Variants in CAPN3 observed in about 807,000 individuals in gnomAD.
CAPN3 encodes calpain-3.
A neutral mutation model predicts 114.0 loss-of-function variants in CAPN3; 88 were observed. The observed-to-expected ratio is 0.77, with a 90% CI of 0.65 to 0.92. The LOEUF (loss-of-function observed/expected upper bound fraction) is 0.92. Among genes scored for constraint, CAPN3 ranks in the 40% least tolerant of loss-of-function variants. The pLI is 0.00. For missense variants in CAPN3, 1,028 were observed against 1,069.0 expected (o/e 0.96, Z 0.53); for synonymous variants, 386 against 382.9 (o/e 1.01, Z -0.09).
intron 16 of CAPN3, 92 bp from the exon 17 acceptor site, chr15:42,409,211 A>G: frequency 8.4e-7 from 1 of 1,187,786 alleles, no homozygotes; most frequent in East Asian, 2.4e-5. Context: ...CGGCCGTTTT[A>G]GGCACTTGGC....
At chr15:42,382,472 G>A (rs529629701) in intron 1 of CAPN3, among the ~76,000 whole-genome samples, 6 of 152,192 alleles carry the variant, frequency 3.9e-5, no homozygotes, top group South Asian at 2.1e-4. Flanking sequence ...AGGTTCAAGC[G>A]ATTCTCTCAC....
At chr15:42,370,862 CAAT>C (rs1438923366) in intron 1 of CAPN3, among the ~76,000 whole-genome samples, 2 of 152,062 alleles carry the variant, frequency 1.3e-5, no homozygotes, top group East Asian at 3.9e-4. Context: ...GAGCATAACA[CAAT>C]GATGTTATGA....
Position 42,384,536 on chromosome 15 carries a change from C to A in CAPN3, c.363C>A (p.Ile121=). ...FIIDGANRTD[I]CQGELGDCWF... ...TTGATGGAGCCAACAGAACTGACAT[C>A]TGTCAAGGAGAGCTAGGTAGGAAAG... The change falls in exon 2 of 24, where the codon ATC becomes ATA. Residue 121 remains isoleucine, a synonymous_variant. Transcript: ENST00000397163. The A allele has an allele frequency of 6.2e-7, 1 of 1,613,586 alleles. No homozygotes were observed. Among genetic ancestry groups the A allele is most frequent in the Non-Finnish European group, 8.5e-7 (1 of 1,179,482 alleles).
At chr15:42,361,747 A>G (rs955696449) in intron 1 of CAPN3, among the ~76,000 whole-genome samples, 2 of 152,016 alleles carry the variant, frequency 1.3e-5, no homozygotes. Context: ...GTCCCTGCCT[A>G]CCTGTCCAGG....
At chr15:42,407,819 T>C (rs1283742419) in intron 15 of CAPN3, among the ~76,000 whole-genome samples, 1 of 152,198 alleles carries the variant, frequency 6.6e-6, no homozygotes, top group Non-Finnish European at 1.5e-5. Context: ...AGCTCTGTTC[T>C]CATTAATCAG....
intron 1 of CAPN3, among the ~76,000 whole-genome samples, chr15:42,382,528 C>T (rs1458859384): frequency 6.6e-6 from 1 of 152,108 alleles, no homozygotes; most frequent in Admixed American, 6.6e-5. Context: ...GCCACCATGT[C>T]CAACTAATCC....
intron 10 of CAPN3, among the ~76,000 whole-genome samples, chr15:42,401,133 G>T (rs955993146): frequency 6.6e-6 from 1 of 151,676 alleles, no homozygotes; most frequent in Non-Finnish European, 1.5e-5. Flanking sequence ...GGCGGAGGCT[G>T]CAGTGAGCCG....
intron 1 of CAPN3, among the ~76,000 whole-genome samples, chr15:42,362,297 T>C (rs2052665796): frequency 6.6e-6 from 1 of 152,168 alleles, no homozygotes; most frequent in South Asian, 2.1e-4. Flanking sequence ...ATGGGGAAAA[T>C]TAAAACCTAC....
In CAPN3 at chr15:42,387,759, C is replaced by A; in HGVS notation, c.505C>A (p.Arg169Ser). The A allele has an allele frequency of 6.2e-7, 1 of 1,614,124 alleles. No individual in the cohort carries two copies. The highest frequency in any genetic ancestry group is 8.5e-7 in the Non-Finnish European group (1 of 1,180,002). Residue 169 changes from arginine (R) to serine (S), a missense_variant, in exon 4 of 24, where the codon CGC becomes AGC. Coordinates refer to ENST00000397163, the MANE Select transcript of CAPN3 (RefSeq NM_000070.3). ...GCGTGACGCTTCTGTGCAGTTCTGG[C>A]GCTATGGAGAGTGGGTGGACGTGGT... Reference protein sequence around the residue: ...YAGIFHFQFWRYGEWVDVVID... With the variant: ...YAGIFHFQFWSYGEWVDVVID...
At chr15:42,371,565 G>T (rs756111031) in intron 1 of CAPN3, among the ~76,000 whole-genome samples, 2 of 152,068 alleles carry the variant, frequency 1.3e-5, no homozygotes, top group Non-Finnish European at 2.9e-5. Context: ...TTTTCAATTT[G>T]AATTGTAGGC....
At chr15:42,402,019 G>C in intron 11 of CAPN3, 105 bp from the exon 12 acceptor site, 1 of 1,479,078 alleles carries the variant, frequency 6.8e-7, no homozygotes, top group Non-Finnish European at 9.4e-7. Flanking sequence ...ACAGGTGCCT[G>C]GGGGTCAGGC....
intron 1 of CAPN3, among the ~76,000 whole-genome samples, chr15:42,362,247 C>T (rs1595796451): frequency 6.6e-6 from 1 of 152,216 alleles, no homozygotes; most frequent in East Asian, 1.9e-4. Flanking sequence ...GACCCTATCT[C>T]TATAAAAAAA....
At chr15:42,393,218 G>A (rs957147653) in intron 7 of CAPN3, among the ~76,000 whole-genome samples, 2 of 152,160 alleles carry the variant, frequency 1.3e-5, no homozygotes, top group African/African-American at 4.8e-5. Flanking sequence ...GATTACTTAC[G>A]ATACCTAACA....
chr15:42,398,896 TGCCTCA>T (rs2053785119), intron 9 of CAPN3, among the ~76,000 whole-genome samples: 1 of 149,540 alleles, frequency 6.7e-6, no homozygotes, highest in African/African-American at 2.5e-5. Flanking sequence ...GTGATTCTCC[TGCCTCA>T]GCCTCCCAAG....
At chr15:42,405,455 T>C (rs1315696781) in intron 14 of CAPN3, among the ~76,000 whole-genome samples, 2 of 152,062 alleles carry the variant, frequency 1.3e-5, no homozygotes, top group Non-Finnish European at 2.9e-5. Context: ...AGATTACAGG[T>C]GCCCACCATC....
intron 1 of CAPN3, among the ~76,000 whole-genome samples, chr15:42,371,907 T>C (rs1440359476): frequency 1.3e-5 from 2 of 151,368 alleles, no homozygotes; most frequent in African/African-American, 2.4e-5. Context: ...GAGGTTGCAA[T>C]GAGCCAAAAT....
rs970293574 is a variant in CAPN3 at position 42,411,791 on chromosome 15, C to G, written c.*18C>G. 2 of 1,612,766 alleles carry G rather than the reference C, an allele frequency of 1.2e-6. No individual in the cohort carries two copies. Among genetic ancestry groups the G allele is most frequent in the Non-Finnish European group, 8.5e-7 (1 of 1,179,492 alleles). ...ATGCCTGAACCAGGCTGGCCTCATC[C>G]AAAGCCATGCAGGATCACTCAGGAT... On this transcript the variant is annotated 3_prime_UTR_variant, in exon 24 of 24. Coordinates refer to ENST00000397163, the MANE Select transcript of CAPN3 (RefSeq NM_000070.3).
chr15:42,390,571 C>G (rs950404477), intron 6 of CAPN3, among the ~76,000 whole-genome samples: 2 of 151,926 alleles, frequency 1.3e-5, no homozygotes, highest in African/African-American at 4.8e-5. Context: ...TAAGTTATAC[C>G]TGCTCACTGG....
At chr15:42,393,980 C>A (rs1393992306) in intron 7 of CAPN3, among the ~76,000 whole-genome samples, 1 of 152,072 alleles carries the variant, frequency 6.6e-6, no homozygotes, top group Non-Finnish European at 1.5e-5. Context: ...CCTCCTCCCC[C>A]GAAGCTCATA....
Sources: gnomAD v4.1 joint callset for allele counts (sites outside exome capture counted in the v4.1 genomes callset) on GRCh38, gnomAD v4.1.1 for gene constraint, MANE v1.5 for transcripts, NCBI Gene and HGNC (gene_info 2026-07-23, HGNC 2026-07-21) for gene names.